Variants in STAM observed in about 807,000 individuals in gnomAD.
STAM encodes the protein signal transducing adapter molecule 1.
Under a neutral mutation model 63.4 loss-of-function variants are expected in STAM, and 16 were observed. That is an observed-to-expected ratio of 0.25 (90% CI 0.17 to 0.38). The LOEUF (loss-of-function observed/expected upper bound fraction) is 0.38. Among genes scored for constraint, STAM ranks in the 10% least tolerant of loss-of-function variants. The pLI is 1.00. For synonymous variants in STAM, 238 were observed against 223.9 expected (o/e 1.06, Z -0.56); for missense variants, 636 against 657.1 (o/e 0.97, Z 0.35).
At chr10:17,672,467 A>G (rs562083647) in intron 2 of STAM, among the ~76,000 whole-genome samples, 83 of 152,268 alleles carry the variant, frequency 5.5e-4, no homozygotes, top group Non-Finnish European at 1.0e-3. Context: ...ATTTTTTCCC[A>G]AAAAACTTGT....
chr10:17,708,987 C>T, intron 13 of STAM, 36 bp downstream of exon 13: 2 of 1,589,862 alleles, frequency 1.3e-6, no homozygotes, highest in Non-Finnish European at 1.7e-6. Flanking sequence ...GGAGTTAGTG[C>T]TGTTACAGCT....
chr10:17,705,806 G>A, intron 12 of STAM, 65 bp downstream of exon 12: 2 of 1,499,266 alleles, frequency 1.3e-6, no homozygotes. Flanking sequence ...GGTAGCTCAT[G>A]CCTGTAATCT....
chr10:17,695,109 C>T lies in STAM; in HGVS notation c.596C>T (p.Pro199Leu). The change falls in exon 7 of 14, where the codon CCA (proline) becomes CTA (leucine). Residue 199 changes from proline (P) to leucine (L), a missense_variant. Coordinates refer to ENST00000377524, the MANE Select transcript of STAM (RefSeq NM_003473.4). ...QQSTTLSTLY[P>L]STSSLLTNHQ... ...TCAACCACCCTTTCCACTTTGTATC[C>T]AAGCACATCCAGTCTCTTAACTAAC... is the stretch of plus-strand genomic sequence containing the variant. 1 of 1,614,020 alleles carries T rather than the reference C, an allele frequency of 6.2e-7. No homozygotes were observed. The highest frequency in any genetic ancestry group is 2.2e-5 in the East Asian group (1 of 44,862).
chr10:17,713,673 G>C (rs1387474820), intron 13 of STAM, among the ~76,000 whole-genome samples: 1 of 151,972 alleles, frequency 6.6e-6, no homozygotes, highest in Non-Finnish European at 1.5e-5. Flanking sequence ...AATCTATCTA[G>C]ACTCTGACCC....
At chr10:17,703,306 A>AG (rs374650240) in intron 9 of STAM, among the ~76,000 whole-genome samples, 66 of 151,164 alleles carry the variant, frequency 4.4e-4, no homozygotes, top group African/African-American at 1.5e-3. Context: ...TTTCAAAAAA[A>AG]CAGAATTATT....
At chr10:17,644,500 C>T (rs1833442777) in intron 1 of STAM, 121 bp downstream of exon 1, 2 of 1,178,550 alleles carry the variant, frequency 1.7e-6, no homozygotes, top group Admixed American at 4.2e-5. Context: ...TTCCCCTTTC[C>T]TGAGGCTCCC....
chr10:17,687,177 G>C (rs1835325223), intron 4 of STAM, among the ~76,000 whole-genome samples: 1 of 152,024 alleles, frequency 6.6e-6, no homozygotes, highest in Non-Finnish European at 1.5e-5. Context: ...CAACCATAAA[G>C]AGTTATGTTA....
intron 2 of STAM, among the ~76,000 whole-genome samples, chr10:17,663,175 G>T (rs1834240911): frequency 6.6e-6 from 1 of 152,112 alleles, no homozygotes; most frequent in South Asian, 2.1e-4. Context: ...AAGCTGTAGA[G>T]ATCAATTTGT....
chr10:17,690,044 C>T (rs909173974), intron 5 of STAM, among the ~76,000 whole-genome samples: 13 of 152,182 alleles, frequency 8.5e-5, no homozygotes, highest in Admixed American at 6.5e-4. Context: ...ATCTTAGCCA[C>T]GGAAACAGTT....
intron 2 of STAM, among the ~76,000 whole-genome samples, chr10:17,683,351 A>G (rs575910216): frequency 9.5e-4 from 144 of 152,124 alleles, no homozygotes; most frequent in South Asian, 6.4e-3. Context: ...TTGTAGAGAT[A>G]GGGTTTCACA....
chr10:17,703,976 C>T (rs189236241), intron 9 of STAM, among the ~76,000 whole-genome samples: 8 of 152,286 alleles, frequency 5.3e-5, no homozygotes, highest in East Asian at 3.9e-4. Context: ...AAAGCTGCTC[C>T]GAAACAAAGC....
At chr10:17,682,245 A>T (rs566920961) in intron 2 of STAM, among the ~76,000 whole-genome samples, 2 of 152,138 alleles carry the variant, frequency 1.3e-5, no homozygotes, top group African/African-American at 4.8e-5. Context: ...TATTGTCAGT[A>T]CTCCTGTGTC....
chr10:17,683,929 G>C (rs1554825777), intron 2 of STAM, among the ~76,000 whole-genome samples: 1 of 152,166 alleles, frequency 6.6e-6, no homozygotes, highest in African/African-American at 2.4e-5. Context: ...TTTTTCAGAA[G>C]TGGTTACATT....
intron 8 of STAM, among the ~76,000 whole-genome samples, chr10:17,699,328 C>T (rs1247634589): frequency 2.0e-5 from 3 of 152,146 alleles, no homozygotes; most frequent in African/African-American, 7.2e-5. Context: ...AAATTGCCCC[C>T]TCCTGTCTTC....
chr10:17,669,840 G>A (rs1834555541), intron 2 of STAM, among the ~76,000 whole-genome samples: 1 of 150,580 alleles, frequency 6.6e-6, no homozygotes, highest in Non-Finnish European at 1.5e-5. Context: ...TGGGACTACA[G>A]GCACCCGCCC....
chr10:17,672,404 A>G (rs1346430001), intron 2 of STAM, among the ~76,000 whole-genome samples: 1 of 152,238 alleles, frequency 6.6e-6, no homozygotes, highest in Non-Finnish European at 1.5e-5. Flanking sequence ...GAGCTGTATC[A>G]TATACATGTT....
chr10:17,704,099 T>G (rs964671520), intron 9 of STAM, among the ~76,000 whole-genome samples: 1 of 152,206 alleles, frequency 6.6e-6, no homozygotes, highest in African/African-American at 2.4e-5. Flanking sequence ...TTGGTTGGTT[T>G]ATTTATTTAT....
intron 13 of STAM, among the ~76,000 whole-genome samples, chr10:17,712,582 GT>G (rs1411751304): frequency 6.6e-6 from 1 of 152,220 alleles, no homozygotes; most frequent in Non-Finnish European, 1.5e-5. Flanking sequence ...TTGGAGGAAA[GT>G]TTAGAAGTAG....
At chr10:17,657,734 T>C (rs1167780701) in intron 1 of STAM, among the ~76,000 whole-genome samples, 2 of 152,202 alleles carry the variant, frequency 1.3e-5, no homozygotes, top group African/African-American at 4.8e-5. Flanking sequence ...AGGTTATCAA[T>C]TTTGTGGGCA....
Sources: gnomAD v4.1 joint callset for allele counts (sites outside exome capture counted in the v4.1 genomes callset) on GRCh38, gnomAD v4.1.1 for gene constraint, MANE v1.5 for transcripts, NCBI Gene and HGNC (gene_info 2026-07-23, HGNC 2026-07-21) for gene names.